The following CERS6 variants were observed in gnomAD, a reference collection of about 807,000 sequenced individuals.
CERS6 encodes the protein ceramide synthase 6.
In CERS6, 26 loss-of-function variants were observed where a neutral mutation model predicts 56.8. That is an observed-to-expected ratio of 0.46 (90% CI 0.34 to 0.63). CERS6 has a LOEUF of 0.63. CERS6 is among the 30% of genes least tolerant of loss of function. The pLI is 0.01. For missense variants in CERS6, 415 were observed against 467.5 expected, an observed-to-expected ratio of 0.89 and a Z score of 1.04; for synonymous variants, 164 against 173.3, an observed-to-expected ratio of 0.95 and a Z score of 0.42.
chr2:168,609,401 G>T (rs1003836946), intron 3 of CERS6, among the ~76,000 whole-genome samples: 2 of 152,198 alleles, frequency 1.3e-5, no homozygotes, highest in Non-Finnish European at 2.9e-5. Context: ...GAACATTGAT[G>T]TGCCTTTATT....
In CERS6 at chr2:168,772,044, G is replaced by GAATAAT. The variant is rs1354718564; in HGVS notation, c.*2384_*2389dup. On this transcript the variant is annotated 3_prime_UTR_variant, in exon 10 of 10. Transcript: ENST00000305747. Reference sequence around the variant, plus strand: ...GGGTTTGCAGGCTTTTTATGGTGAAGAATAATATATCTCTGTCTATAGCTT... The same window carrying GAATAAT: ...GGGTTTGCAGGCTTTTTATGGTGAAGAATAATAATAATATATCTCTGTCTATAGCTT... 6.6e-6 allele frequency: 1 copy of GAATAAT among 152,170 alleles called. No individual in the cohort carries two copies. The highest frequency in any genetic ancestry group is 1.9e-4 in the East Asian group (1 of 5,192). 9.4% of individuals were successfully genotyped at this position (152,170 alleles called of 1,614,324 possible).
At chr2:168,750,259 A>T (rs1247491417) in intron 8 of CERS6, among the ~76,000 whole-genome samples, 1 of 152,144 alleles carries the variant, frequency 6.6e-6, no homozygotes, top group African/African-American at 2.4e-5. Context: ...GCTTGGCTGT[A>T]TGTTATCATT....
chr2:168,743,986 CTTTTTTTTCTTTT>C (rs1239945023), intron 8 of CERS6, among the ~76,000 whole-genome samples: 1 of 59,700 alleles, frequency 1.7e-5, no homozygotes, highest in Non-Finnish European at 3.2e-5. Context: ...TTTCTTTTTT[CTTTTTTTTCTTTT>C]TTTTTTTTTT....
intron 3 of CERS6, among the ~76,000 whole-genome samples, chr2:168,565,685 A>AT (rs1271281449): frequency 6.6e-6 from 1 of 152,230 alleles, no homozygotes; most frequent in Non-Finnish European, 1.5e-5. Flanking sequence ...TGCAGATGGA[A>AT]TGAGTAGAAG....
intron 6 of CERS6, among the ~76,000 whole-genome samples, chr2:168,712,867 T>G (rs1457758907): frequency 6.6e-6 from 1 of 152,176 alleles, no homozygotes. Flanking sequence ...CTCATCATCT[T>G]TAAGTCACCT....
chr2:168,538,248 A>G (rs1311555982), intron 1 of CERS6, among the ~76,000 whole-genome samples: 1 of 151,970 alleles, frequency 6.6e-6, no homozygotes, highest in Admixed American at 6.6e-5. Context: ...AACCAAAAAA[A>G]AAAAAAAAAA....
chr2:168,761,423 C>T (rs927779581), intron 8 of CERS6, among the ~76,000 whole-genome samples: 23 of 152,326 alleles, frequency 1.5e-4, no homozygotes, highest in Admixed American at 1.2e-3. Context: ...GAGAAAGCTT[C>T]TCAGTCTATA....
At chr2:168,464,174 T>TTGTGTGTGTGTGTGTGTG (rs35372610) in intron 1 of CERS6, among the ~76,000 whole-genome samples, 59 of 139,790 alleles carry the variant, frequency 4.2e-4, no homozygotes, top group African/African-American at 1.5e-3. Flanking sequence ...TTTATACTTT[T>TTGTGTGTGTGTGTGTGTG]TGTGTGTGTG....
chr2:168,604,471 A>G (rs1684005797), intron 3 of CERS6, among the ~76,000 whole-genome samples: 1 of 152,096 alleles, frequency 6.6e-6, no homozygotes, highest in Non-Finnish European at 1.5e-5. Flanking sequence ...CAGTTTTTGT[A>G]TGACTTGTGA....
chr2:168,457,981 C>T (rs867767753), intron 1 of CERS6, among the ~76,000 whole-genome samples: 1 of 152,082 alleles, frequency 6.6e-6, no homozygotes, highest in African/African-American at 2.4e-5. Context: ...GAATCTAATA[C>T]AGATGTGTCA....
chr2:168,717,877 C>T lies in CERS6; in HGVS notation c.744C>T (p.Ala248=), dbSNP rs1464366964. The T allele has an allele frequency of 6.2e-7, 1 of 1,612,674 alleles. No individual in the cohort carries two copies. Among genetic ancestry groups the T allele is most frequent in the Admixed American group, 1.7e-5 (1 of 59,908 alleles). The change falls in exon 8 of 10, where the codon GCC becomes GCT. Residue 248 remains alanine, a synonymous_variant. Coordinates refer to ENST00000305747, the MANE Select transcript of CERS6 (RefSeq NM_203463.3). The part of the protein sequence containing the change: ...HDSADALLEA[A]KMANYAKFQK... ...CACATTCCTTTCTTTCATAGGCTGC[C>T]AAAATGGCAAATTATGCCAAGTTTC...
intron 3 of CERS6, among the ~76,000 whole-genome samples, chr2:168,571,570 A>G (rs1306742041): frequency 6.6e-6 from 1 of 152,124 alleles, no homozygotes; most frequent in African/African-American, 2.4e-5. Context: ...TGTGAGGTTT[A>G]TTTGTAGGCC....
chr2:168,644,396 A>T, intron 4 of CERS6: 2 of 975,126 alleles, frequency 2.1e-6, no homozygotes, highest in Non-Finnish European at 2.4e-6. Flanking sequence ...GAATGATGAG[A>T]GGCAAGTGAG....
chr2:168,477,173 C>CAGAGAGAGAGAG lies in CERS6; in HGVS notation c.170+20590_170+20601dup, dbSNP rs10609883. 1.1e-3 allele frequency among the ~76,000 whole-genome samples: 128 copies of CAGAGAGAGAGAG among 115,524 alleles called. 3 individuals carry two copies. The highest frequency in any genetic ancestry group is 2.7e-3 in the African/African-American group (80 of 29,968). 75.8% of individuals were successfully genotyped at this position (115,524 alleles called of 152,430 possible). ...AGGGAGGAAAGGAATGAGGGAGAGA[C>CAGAGAGAGAGAG]AGAGAGAGAGAGAGAGAGAGAGAGA... is the stretch of plus-strand genomic sequence containing the variant. On this transcript the variant is annotated intron_variant, in intron 1 of 9. Transcript: ENST00000305747.
At chr2:168,601,156 G>C (rs1683923877) in intron 3 of CERS6, among the ~76,000 whole-genome samples, 1 of 152,152 alleles carries the variant, frequency 6.6e-6, no homozygotes, top group South Asian at 2.1e-4. Context: ...TTTCACAAAA[G>C]TAGATAAAAA....
chr2:168,550,523 T>C (rs1695547395), intron 2 of CERS6, among the ~76,000 whole-genome samples: 1 of 152,166 alleles, frequency 6.6e-6, no homozygotes, highest in Non-Finnish European at 1.5e-5. Flanking sequence ...CCTAATGGCA[T>C]GGGGAGACTC....
intron 3 of CERS6, among the ~76,000 whole-genome samples, chr2:168,601,920 G>GA (rs1683942998): frequency 6.6e-6 from 1 of 152,080 alleles, no homozygotes; most frequent in Non-Finnish European, 1.5e-5. Context: ...ATGCAGTGTT[G>GA]AACTTGAAAA....
intron 1 of CERS6, among the ~76,000 whole-genome samples, chr2:168,530,010 G>T (rs1405063470): frequency 6.6e-6 from 1 of 152,112 alleles, no homozygotes; most frequent in Non-Finnish European, 1.5e-5. Context: ...TCGCAGCTAT[G>T]TGTTTCTTGG....
At chr2:168,740,302 A>G (rs1233106041) in intron 8 of CERS6, among the ~76,000 whole-genome samples, 6 of 152,258 alleles carry the variant, frequency 3.9e-5, no homozygotes, top group Admixed American at 3.9e-4. Context: ...TTCTATATAA[A>G]TACATGCTAT....
Sources: gnomAD v4.1 joint callset for allele counts (sites outside exome capture counted in the v4.1 genomes callset) on GRCh38, gnomAD v4.1.1 for gene constraint, MANE v1.5 for transcripts, NCBI Gene and HGNC (gene_info 2026-07-23, HGNC 2026-07-21) for gene names.